Variants in LRP8 observed in about 807,000 individuals in gnomAD.
The protein encoded by LRP8 is LDL receptor related protein 8.
A neutral mutation model predicts 111.6 loss-of-function variants in LRP8; 46 were observed. The observed-to-expected ratio is 0.41, with a 90% CI of 0.33 to 0.53. The LOEUF is 0.53. Ranked by LOEUF, LRP8 falls within the 20% of genes least tolerant of loss-of-function variation. The probability of loss-of-function intolerance (pLI) is 0.20; values close to 1 mark genes in which losing one functional copy is unlikely to be tolerated. For synonymous variants in LRP8, 464 were observed against 511.2 expected (o/e 0.91, Z 1.24); for missense variants, 959 against 1,297.4 (o/e 0.74, Z 4.01).
At chr1:53,304,809 T>A (rs1651639826) in intron 2 of LRP8, among the ~76,000 whole-genome samples, 1 of 152,156 alleles carries the variant, frequency 6.6e-6, no homozygotes, top group Non-Finnish European at 1.5e-5. Flanking sequence ...GGGACAGACA[T>A]GGCTGTGGGA....
rs1030405601 is a variant in LRP8 at position 53,275,871 on chromosome 1, C to T, written c.884-118G>A. On this transcript the variant is annotated intron_variant, in intron 5 of 18. Coordinates refer to ENST00000306052, the MANE Select transcript of LRP8 (RefSeq NM_004631.5). This position sits in a 1 kb window ranked among gnomAD's most constrained non-coding sequence, Gnocchi z 4.4. ...AGCAAAAACAGAACCAGTGGCTGAA[C>T]TCAGGAGTCCTCAAAGGACACCTGG... 4.5e-5 allele frequency: 58 copies of T among 1,287,782 alleles called. No individual in the cohort carries two copies. In the African/African-American group the frequency reaches 7.9e-4, roughly 18 times the overall value. The allele number at this position is 1,287,782 out of a possible 1,614,324, so 79.8% of individuals were successfully genotyped here. A position where few individuals can be genotyped will look rare whatever the true frequency, so the allele number is the denominator to read the frequency against.
At chr1:53,298,471 GAGA>G (rs1213484608) in intron 2 of LRP8, among the ~76,000 whole-genome samples, 1 of 152,198 alleles carries the variant, frequency 6.6e-6, no homozygotes, top group Non-Finnish European at 1.5e-5. Context: ...GCAGCACGCT[GAGA>G]AGATGACCAC....
At chr1:53,277,262 T>C (rs1191784811) in intron 4 of LRP8, among the ~76,000 whole-genome samples, 184 bp from the exon 5 acceptor site, 1 of 152,164 alleles carries the variant, frequency 6.6e-6, no homozygotes, top group Non-Finnish European at 1.5e-5. Flanking sequence ...ACATGCTAGG[T>C]GACTGGCAAC....
At chr1:53,276,097 C>T (rs567885717) in intron 5 of LRP8, among the ~76,000 whole-genome samples, 5 of 152,268 alleles carry the variant, frequency 3.3e-5, no homozygotes, top group African/African-American at 1.2e-4. Flanking sequence ...TACTTAATGA[C>T]TTCATCCATT....
intron 2 of LRP8, among the ~76,000 whole-genome samples, chr1:53,324,157 G>T (rs1232436654): frequency 2.0e-5 from 3 of 152,288 alleles, no homozygotes; most frequent in Middle Eastern, 3.4e-3. Context: ...GGGAGGAGCA[G>T]ATTTTGTTAT....
At chr1:53,310,698 G>A (rs563088707) in intron 2 of LRP8, among the ~76,000 whole-genome samples, 3 of 152,300 alleles carry the variant, frequency 2.0e-5, no homozygotes, top group African/African-American at 7.2e-5. Flanking sequence ...CTCTCGGGAA[G>A]AACCAGAAAG....
At chr1:53,310,645 G>A (rs962159749) in intron 2 of LRP8, among the ~76,000 whole-genome samples, 2 of 152,190 alleles carry the variant, frequency 1.3e-5, no homozygotes, top group African/African-American at 4.8e-5. Context: ...GATCAGCCAG[G>A]GTGTCTGTGT....
rs1328156338 is a variant in LRP8 at position 53,283,490 on chromosome 1, G to A, written c.368-2775C>T. Among the ~76,000 whole-genome samples, 6 of 123,842 alleles carry A rather than the reference G, an allele frequency of 4.8e-5. No individual in the cohort carries two copies. In the South Asian group the frequency reaches 8.7e-4, roughly 18 times the overall value. The allele number at this position is 123,842 out of a possible 152,430, so 81.2% of individuals were successfully genotyped here. A position where few individuals can be genotyped will look rare whatever the true frequency, so the allele number is the denominator to read the frequency against. ...CGGGCCACTTACTTACTACATACCCGGGCCACTTACTTACTTACTACATAC... is the reference window on the plus strand; with the variant it reads ...CGGGCCACTTACTTACTACATACCCAGGCCACTTACTTACTTACTACATAC... On this transcript the variant is annotated intron_variant, in intron 3 of 18. Transcript: ENST00000306052.
At chr1:53,278,799 C>T (rs974134851) in intron 4 of LRP8, among the ~76,000 whole-genome samples, 45 of 149,056 alleles carry the variant, frequency 3.0e-4, no homozygotes, top group African/African-American at 1.1e-3. Context: ...GATGGAGTCT[C>T]GCTCTGTCGC....
chr1:53,327,707 C>A (rs571861560), intron 1 of LRP8, 82 bp downstream of exon 1: 3 of 1,354,304 alleles, frequency 2.2e-6, no homozygotes, highest in Non-Finnish European at 1.9e-6. Context: ...GGTTCTGGAC[C>A]CCTCCCCGCT....
chr1:53,323,998 G>A (rs905000225), intron 2 of LRP8, among the ~76,000 whole-genome samples: 3 of 152,162 alleles, frequency 2.0e-5, no homozygotes, highest in Non-Finnish European at 4.4e-5. Flanking sequence ...TTGGGAACTT[G>A]GACTCATTTT....
Position 53,262,372 on chromosome 1 carries a change from A to C in LRP8, c.1774+74T>G. 2 of 1,531,936 alleles carry C rather than the reference A, an allele frequency of 1.3e-6. No homozygotes were observed. Among genetic ancestry groups the C allele is most frequent in the South Asian group, 1.1e-5 (1 of 88,832 alleles). The allele number at this position is 1,531,936 out of a possible 1,614,324, so 94.9% of individuals were successfully genotyped here. A position where few individuals can be genotyped will look rare whatever the true frequency, so the allele number is the denominator to read the frequency against. The stretch of plus-strand genomic sequence containing the variant: ...CACCATGAGAGGACCCAGAAACAAG[A>C]CTCATGGAGTTCCAGACAGTGATCA... On this transcript the variant is annotated intron_variant, in intron 11 of 18. Coordinates refer to ENST00000306052, the MANE Select transcript of LRP8 (RefSeq NM_004631.5). This position sits in a 1 kb window ranked among gnomAD's most constrained non-coding sequence, Gnocchi z 4.8.
At chr1:53,271,421 G>T in intron 6 of LRP8, 75 bp from the exon 7 acceptor site, 1 of 1,563,610 alleles carries the variant, frequency 6.4e-7, no homozygotes, top group Non-Finnish European at 8.8e-7. Context: ...AGGACCTAGA[G>T]CAGAAGCAGA....
rs1647073824 is a variant in LRP8 at position 53,280,577 on chromosome 1, CCA to C, written c.496+8_496+9del. On this transcript the variant is annotated splice_region_variant and intron_variant, in intron 4 of 18. Coordinates refer to ENST00000306052, the MANE Select transcript of LRP8 (RefSeq NM_004631.5). ...CTTGGCAGACCCTGGAGATCTGACC[CCA>C]GACTCACAGGTAGCACAGCCGGCCT... 1.2e-6 allele frequency: 2 copies of C among 1,611,170 alleles called. No individual in the cohort carries two copies. Among genetic ancestry groups the C allele is most frequent in the African/African-American group, 1.3e-5 (1 of 74,928 alleles).
In LRP8 at chr1:53,249,412, G is replaced by A; in HGVS notation, c.2821C>T (p.Pro941Ser). Residue 941 changes from proline to serine, a missense_variant, in exon 18 of 19, where the codon CCT becomes TCT. Pro to Ser is a moderately conservative substitution (Grantham distance 74, BLOSUM62 -1). Around this residue, in one of 3 missense-constraint regions of LRP8, gnomAD observed 819 missense variants for 1,097.6 expected, o/e 0.75. Coordinates refer to ENST00000306052, the MANE Select transcript of LRP8 (RefSeq NM_004631.5). The surrounding 1 kb of genome is among the most constrained non-coding windows in gnomAD (Gnocchi z 4.1). ...TTGACGACAGGCAGCTCGGAAAGAG[G>A]GTTCTTCGGGAGTTGGTGCAGCTGT... ...RSQLHQLPKN[P>S]LSELPVVKSK... The A allele has an allele frequency of 6.2e-7, 1 of 1,614,218 alleles. No individual in the cohort carries two copies. The highest frequency in any genetic ancestry group is 8.5e-7 in the Non-Finnish European group (1 of 1,180,026).
At position 53,244,249 on chromosome 1, in the gene LRP8, C is replaced by T. The variant is rs1026987370; in HGVS notation, c.*2769G>A. On this transcript the variant is annotated 3_prime_UTR_variant, in exon 19 of 19. Coordinates refer to ENST00000306052, the MANE Select transcript of LRP8 (RefSeq NM_004631.5). The stretch of plus-strand genomic sequence containing the variant: ...CAGGTTTGATACAATGTTCAGGCAG[C>T]CCAAAATAGTCTTCCTGCAGAAGGA... 5 of 152,180 alleles carry T rather than the reference C, an allele frequency of 3.3e-5. No homozygotes were observed. Among genetic ancestry groups the T allele is most frequent in the African/African-American group, 1.2e-4 (5 of 41,438 alleles). 9.4% of individuals were successfully genotyped at this position (152,180 alleles called of 1,614,324 possible).
In LRP8 at chr1:53,327,950, C is replaced by T. The variant is rs2100563864; in HGVS notation, c.-38G>A. The T allele has an allele frequency of 1.8e-6, 2 of 1,100,512 alleles. No homozygotes were observed. The highest frequency in any genetic ancestry group is 2.2e-6 in the Non-Finnish European group (2 of 906,612). The allele number at this position is 1,100,512 out of a possible 1,614,324, so 68.2% of individuals were successfully genotyped here. ...GCTCCGGCCGCCGCGCCCCGCGCTC[C>T]CCGCGCCGCCGCCGCCGCGTCTCAG... is the stretch of plus-strand genomic sequence containing the variant. On this transcript the variant is annotated 5_prime_UTR_variant, in exon 1 of 19. Transcript: ENST00000306052.
chr1:53,312,455 C>T (rs1653176492), intron 2 of LRP8, among the ~76,000 whole-genome samples: 1 of 152,150 alleles, frequency 6.6e-6, no homozygotes, highest in African/African-American at 2.4e-5. Context: ...ACCTCAAACT[C>T]CTGGGCTCAA....
chr1:53,310,987 C>T (rs1557858133), intron 2 of LRP8, among the ~76,000 whole-genome samples: 1 of 152,104 alleles, frequency 6.6e-6, no homozygotes, highest in Non-Finnish European at 1.5e-5. Context: ...TGCTTCAGAG[C>T]CCGGAGGAAA....
Sources: gnomAD v4.1 joint callset for allele counts (sites outside exome capture counted in the v4.1 genomes callset) on GRCh38, gnomAD v4.1.1 for gene constraint, gnomAD v4.1.1 regional missense constraint, Gnocchi (gnomAD v3.1) non-coding constraint, MANE v1.5 for transcripts, NCBI Gene and HGNC (gene_info 2026-07-23, HGNC 2026-07-21) for gene names.